CERS6: variants seen among roughly 807,000 people sequenced by gnomAD.
The protein encoded by CERS6 is LAG1 homolog, ceramide synthase 6.
CERS6 carries 26 observed loss-of-function variants against 56.8 expected under a neutral mutation model. That is an observed-to-expected ratio of 0.46 (90% CI 0.34 to 0.63). The LOEUF (loss-of-function observed/expected upper bound fraction) is 0.63, where lower values mean the gene tolerates loss of function less well. Ranked by LOEUF, CERS6 falls within the 30% of genes least tolerant of loss-of-function variation. The probability of loss-of-function intolerance (pLI) is 0.01; values close to 1 mark genes in which losing one functional copy is unlikely to be tolerated. For synonymous variants in CERS6, 164 were observed against 173.3 expected (o/e 0.95, Z 0.42); for missense variants, 415 against 467.5 (o/e 0.89, Z 1.04).
At chr2:168,481,518 G>C (rs1262314423) in intron 1 of CERS6, among the ~76,000 whole-genome samples, 3 of 152,130 alleles carry the variant, frequency 2.0e-5, no homozygotes, top group African/African-American at 7.2e-5. Flanking sequence ...TGGTCAAGTC[G>C]GATCATTTGC....
intron 1 of CERS6, among the ~76,000 whole-genome samples, chr2:168,484,122 G>GTTGTT (rs1694227654): frequency 8.3e-6 from 1 of 120,444 alleles, no homozygotes; most frequent in Non-Finnish European, 1.8e-5. Flanking sequence ...CAAAAATGCT[G>GTTGTT]TTGTTTTTAG....
chr2:168,456,385 C>T lies in CERS6; in HGVS notation c.-64C>T. ...GGCCAGCCGGGCGCGCATCCCCGGG[C>T]GCCCTGCGCGGTGGAGAGCTTGGCG... On this transcript the variant is annotated 5_prime_UTR_variant, in exon 1 of 10. Transcript: ENST00000305747. This position sits in a 1 kb window ranked among gnomAD's most constrained non-coding sequence, Gnocchi z 4.1. 1.5e-6 allele frequency: 2 copies of T among 1,336,318 alleles called. No individual in the cohort carries two copies. The highest frequency in any genetic ancestry group is 2.0e-6 in the Non-Finnish European group (2 of 1,008,250). The allele number at this position is 1,336,318 out of a possible 1,614,324, so 82.8% of individuals were successfully genotyped here. A position where few individuals can be genotyped will look rare whatever the true frequency, so the allele number is the denominator to read the frequency against.
intron 1 of CERS6, among the ~76,000 whole-genome samples, chr2:168,540,375 T>C (rs959282584): frequency 6.6e-6 from 1 of 152,194 alleles, no homozygotes; most frequent in East Asian, 1.9e-4. Flanking sequence ...CAATCATGAC[T>C]GAAGGCAAAG....
At chr2:168,643,821 C>A (rs1425084110) in intron 4 of CERS6, among the ~76,000 whole-genome samples, 1 of 152,176 alleles carries the variant, frequency 6.6e-6, no homozygotes, top group East Asian at 1.9e-4. Context: ...TTTCTATACG[C>A]CCGGATAATT....
chr2:168,530,644 T>C (rs1226100305), intron 1 of CERS6, among the ~76,000 whole-genome samples: 1 of 152,232 alleles, frequency 6.6e-6, no homozygotes, highest in African/African-American at 2.4e-5. Context: ...TCTTTAATAG[T>C]TGAAGTGAAC....
chr2:168,753,004 T>C (rs1365175208), intron 8 of CERS6, among the ~76,000 whole-genome samples: 1 of 152,178 alleles, frequency 6.6e-6, no homozygotes, highest in Non-Finnish European at 1.5e-5. Context: ...GAGAAAACAA[T>C]CAGAACAAGT....
At chr2:168,621,104 G>A (rs1427008403) in intron 3 of CERS6, among the ~76,000 whole-genome samples, 1 of 152,142 alleles carries the variant, frequency 6.6e-6, no homozygotes, top group Non-Finnish European at 1.5e-5. Context: ...TGCAATCACA[G>A]TATCAGTGCT....
chr2:168,721,824 T>A (rs1683182542), intron 8 of CERS6, among the ~76,000 whole-genome samples: 1 of 152,040 alleles, frequency 6.6e-6, no homozygotes, highest in Non-Finnish European at 1.5e-5. Flanking sequence ...CTCACTGCAT[T>A]GCTTAGGCTA....
intron 1 of CERS6, among the ~76,000 whole-genome samples, chr2:168,542,783 G>A (rs1421458401): frequency 6.6e-6 from 1 of 152,122 alleles, no homozygotes; most frequent in Non-Finnish European, 1.5e-5. Flanking sequence ...TGCAGCCTCT[G>A]CCTCCCGGGT....
intron 3 of CERS6, chr2:168,606,397 T>A (rs1453360634): frequency 6.6e-6 from 1 of 152,196 alleles, no homozygotes; most frequent in Non-Finnish European, 1.5e-5. Flanking sequence ...GTTTTAAGTA[T>A]GGAATGGTTC....
chr2:168,718,067 T>G, intron 8 of CERS6, 89 bp downstream of exon 8: 1 of 910,332 alleles, frequency 1.1e-6, no homozygotes, highest in Non-Finnish European at 1.7e-6. Flanking sequence ...CTGTAAGTAT[T>G]TACAGGTTTA....
At chr2:168,755,085 A>G (rs1684379585) in intron 8 of CERS6, among the ~76,000 whole-genome samples, 1 of 152,180 alleles carries the variant, frequency 6.6e-6, no homozygotes, top group South Asian at 2.1e-4. Flanking sequence ...TCTCTGTTTT[A>G]ATGTAAATTT....
intron 3 of CERS6, among the ~76,000 whole-genome samples, chr2:168,616,508 A>T (rs1482360131): frequency 6.6e-6 from 1 of 152,208 alleles, no homozygotes; most frequent in Non-Finnish European, 1.5e-5. Flanking sequence ...ATACATAAGG[A>T]CTCACATAAA....
At chr2:168,751,019 C>G (rs1437752786) in intron 8 of CERS6, among the ~76,000 whole-genome samples, 1 of 152,146 alleles carries the variant, frequency 6.6e-6, no homozygotes, top group Non-Finnish European at 1.5e-5. Flanking sequence ...CCCTTGCTAC[C>G]TTCACTTGCT....
intron 4 of CERS6, among the ~76,000 whole-genome samples, chr2:168,636,328 A>G (rs781232923): frequency 1.3e-5 from 2 of 152,244 alleles, no homozygotes; most frequent in African/African-American, 2.4e-5. Flanking sequence ...ATAAGTTTTA[A>G]AAAGCTAGCA....
chr2:168,624,636 A>C (rs1419687652), intron 3 of CERS6, among the ~76,000 whole-genome samples: 1 of 152,154 alleles, frequency 6.6e-6, no homozygotes, highest in Non-Finnish European at 1.5e-5. Flanking sequence ...AACCTACTAT[A>C]AGTAAAAGGA....
intron 1 of CERS6, among the ~76,000 whole-genome samples, chr2:168,527,942 A>C (rs1364506256): frequency 1.3e-5 from 2 of 151,874 alleles, no homozygotes; most frequent in Non-Finnish European, 2.9e-5. Flanking sequence ...CCTGGTCTCA[A>C]ACTCCTGAGC....
chr2:168,766,764 T>G (rs1202117536), intron 9 of CERS6, among the ~76,000 whole-genome samples: 3 of 152,194 alleles, frequency 2.0e-5, no homozygotes, highest in African/African-American at 7.2e-5. Context: ...GCTGTGGGCC[T>G]GACCTGCCTG....
chr2:168,685,557 A>G (rs1225582865), intron 4 of CERS6, among the ~76,000 whole-genome samples: 2 of 152,134 alleles, frequency 1.3e-5, no homozygotes, highest in Non-Finnish European at 2.9e-5. Context: ...AAACCTCTGT[A>G]ATGCAGCCAA....
Sources: allele counts gnomAD v4.1 joint callset (sites outside exome capture counted in the v4.1 genomes callset), GRCh38; gene constraint gnomAD v4.1.1; non-coding constraint Gnocchi (gnomAD v3.1); transcripts MANE v1.5; gene names NCBI Gene and HGNC (gene_info 2026-07-23, HGNC 2026-07-21).